The following RBFOX1 variants were observed in gnomAD, a reference collection of about 807,000 sequenced individuals.
RBFOX1 encodes RNA binding fox-1 homolog 1.
Under a neutral mutation model 57.7 loss-of-function variants are expected in RBFOX1, and 8 were observed. That is an observed-to-expected ratio of 0.14 (90% CI 0.08 to 0.25). The LOEUF is 0.25. Among genes scored for constraint, RBFOX1 ranks in the 10% least tolerant of loss-of-function variants. The pLI, the probability that RBFOX1 is intolerant of heterozygous loss-of-function variation, is 1.00. For missense variants in RBFOX1, 611 were observed against 548.5 expected (o/e 1.11, Z -1.14); for synonymous variants, 326 against 222.4 (o/e 1.47, Z -4.15).
At chr16:5,373,400 C>T (rs1235899835) in intron 1 of RBFOX1, among the ~76,000 whole-genome samples, 2 of 152,088 alleles carry the variant, frequency 1.3e-5, no homozygotes, top group Non-Finnish European at 2.9e-5. Flanking sequence ...CCCCCTTGCT[C>T]TTCTTGTGAT....
chr16:6,053,860 C>G (rs2095582489), intron 1 of RBFOX1, among the ~76,000 whole-genome samples: 1 of 151,796 alleles, frequency 6.6e-6, no homozygotes, highest in Non-Finnish European at 1.5e-5. Context: ...GAGTTCAAGA[C>G]CAGCCTGGCC....
chr16:6,896,054 T>G (rs1250265944), intron 3 of RBFOX1, among the ~76,000 whole-genome samples: 1 of 152,074 alleles, frequency 6.6e-6, no homozygotes, highest in African/African-American at 2.4e-5. Context: ...GGGCAGATCA[T>G]CTGAGCTTAG....
chr16:6,623,403 C>T (rs183273862), intron 2 of RBFOX1, among the ~76,000 whole-genome samples: 1 of 151,714 alleles, frequency 6.6e-6, no homozygotes, highest in African/African-American at 2.4e-5. Flanking sequence ...CATGCAACCC[C>T]TGGTACTGAG....
chr16:6,713,893 A>G (rs977948672), intron 3 of RBFOX1, among the ~76,000 whole-genome samples: 4 of 152,202 alleles, frequency 2.6e-5, no homozygotes, highest in Admixed American at 6.5e-5. Flanking sequence ...GAATTTGGAC[A>G]GGAAGATATC....
Position 7,399,786 on chromosome 16 carries a change from A to G in RBFOX1, c.28-118361A>G, listed in dbSNP as rs949029123. On this transcript the variant is annotated intron_variant, in intron 4 of 15. Transcript: ENST00000550418. ...AAAGACCCTCTTCCCAAATAAGGTCATAGTCACAGGCACGAGGGGTTAAGA... is the reference window on the plus strand; with the variant it reads ...AAAGACCCTCTTCCCAAATAAGGTCGTAGTCACAGGCACGAGGGGTTAAGA... Among the ~76,000 whole-genome samples, 12 of 152,240 alleles carry G rather than the reference A, an allele frequency of 7.9e-5. 1 individual carries two copies. The highest frequency in any genetic ancestry group is 2.9e-4 in the African/African-American group (12 of 41,474).
At chr16:7,709,214 C>T (rs1015270210) in intron 15 of RBFOX1, 83 bp downstream of exon 15, 3 of 1,277,046 alleles carry the variant, frequency 2.3e-6, no homozygotes, top group Non-Finnish European at 3.3e-6. Context: ...GGGTTGACGT[C>T]CTCTCACTTC....
chr16:7,675,104 C>T (rs2072874532), intron 13 of RBFOX1, among the ~76,000 whole-genome samples: 1 of 152,272 alleles, frequency 6.6e-6, no homozygotes, highest in South Asian at 2.1e-4. Context: ...CTAGCCCCTC[C>T]CTACCTCATT....
intron 4 of RBFOX1, among the ~76,000 whole-genome samples, chr16:7,240,319 A>T (rs139860756): frequency 1.5e-4 from 23 of 152,238 alleles, no homozygotes; most frequent in African/African-American, 5.5e-4. Context: ...AGCAGTGTTC[A>T]TCAGGTAGTG....
At chr16:5,977,737 C>T (rs17139042) in intron 4 of RBFOX1, among the ~76,000 whole-genome samples, 13,453 of 152,068 alleles carry the variant, frequency 0.088, 788 homozygotes, top group East Asian at 0.2. Flanking sequence ...TCCAAAGATA[C>T]AGAAGGTCAG....
At chr16:5,488,856 A>G (rs570908821) in intron 2 of RBFOX1, among the ~76,000 whole-genome samples, 36 of 152,086 alleles carry the variant, frequency 2.4e-4, no homozygotes, top group Non-Finnish European at 4.9e-4. Context: ...GATGGTGATG[A>G]TAATGGAGGA....
At position 5,947,544 on chromosome 16, in the gene RBFOX1, G is replaced by C. The variant is rs201131408; in HGVS notation, c.351+80209G>C. Among the ~76,000 whole-genome samples the C allele has an allele frequency of 6.6e-6, 1 of 152,222 alleles. No homozygotes were observed. Among genetic ancestry groups the C allele is most frequent in the East Asian group, 1.9e-4 (1 of 5,156 alleles). On this transcript the variant is annotated intron_variant, in intron 4 of 19. Coordinates refer to the RBFOX1 transcript ENST00000641259. This position sits in a 1 kb window ranked among gnomAD's most constrained non-coding sequence, Gnocchi z 7.2. ...CTGTATGTTGCCTAGGCTGGTGTCA[G>C]ACTCCTAGCCCCAAGCAATTCTCAC... is the stretch of plus-strand genomic sequence containing the variant.
chr16:6,923,475 G>A (rs1323554778), intron 3 of RBFOX1, among the ~76,000 whole-genome samples: 1 of 152,182 alleles, frequency 6.6e-6, no homozygotes, highest in Admixed American at 6.5e-5. Flanking sequence ...GGAGGAGGCA[G>A]TGAGCCAATA....
intron 14 of RBFOX1, among the ~76,000 whole-genome samples, chr16:7,695,731 C>G (rs2078610886): frequency 6.6e-6 from 1 of 151,492 alleles, no homozygotes; most frequent in Non-Finnish European, 1.5e-5. Context: ...CTCTCACCTC[C>G]TTATAAAAAC....
chr16:6,376,457 A>T (rs137995887), intron 2 of RBFOX1, among the ~76,000 whole-genome samples: 7 of 152,326 alleles, frequency 4.6e-5, no homozygotes, highest in African/African-American at 1.2e-4. Flanking sequence ...ATTAAGGGTG[A>T]ATCCTTCGTT....
At chr16:5,259,929 C>T (rs867054228) in intron 1 of RBFOX1, among the ~76,000 whole-genome samples, 3 of 152,076 alleles carry the variant, frequency 2.0e-5, no homozygotes, top group Non-Finnish European at 4.4e-5. Flanking sequence ...AGGCTGGGCA[C>T]GGTGGCTCAC....
intron 4 of RBFOX1, among the ~76,000 whole-genome samples, chr16:7,235,641 G>A (rs1463038807): frequency 1.3e-5 from 2 of 152,196 alleles, no homozygotes; most frequent in Non-Finnish European, 2.9e-5. Context: ...CCTTTTGTGG[G>A]ATGAATATGA....
intron 3 of RBFOX1, among the ~76,000 whole-genome samples, chr16:7,030,340 C>T (rs958468333): frequency 6.6e-6 from 1 of 152,140 alleles, no homozygotes; most frequent in Admixed American, 6.6e-5. Flanking sequence ...CATTTCCTAG[C>T]ATTGCCATAA....
chr16:6,493,547 G>A (rs1307819426), intron 2 of RBFOX1, among the ~76,000 whole-genome samples: 1 of 152,104 alleles, frequency 6.6e-6, no homozygotes, highest in South Asian at 2.1e-4. Context: ...CACATGAATA[G>A]CTGTGTATGA....
At chr16:5,857,073 A>G (rs1178809879) in intron 3 of RBFOX1, among the ~76,000 whole-genome samples, 2 of 152,148 alleles carry the variant, frequency 1.3e-5, no homozygotes, top group Admixed American at 1.3e-4. Context: ...GGTGAGAAAC[A>G]TGTGACTCTT....
Sources: gnomAD v4.1 joint callset for allele counts (sites outside exome capture counted in the v4.1 genomes callset) on GRCh38, gnomAD v4.1.1 for gene constraint, Gnocchi (gnomAD v3.1) non-coding constraint, MANE v1.5 for transcripts, NCBI Gene and HGNC (gene_info 2026-07-23, HGNC 2026-07-21) for gene names.